MB21D2: variants seen among roughly 807,000 people sequenced by gnomAD.
MB21D2 encodes the protein nucleotidyltransferase MB21D2.
A neutral mutation model predicts 33.3 loss-of-function variants in MB21D2; 9 were observed. The observed-to-expected ratio is 0.27, with a 90% CI of 0.16 to 0.47. The LOEUF (loss-of-function observed/expected upper bound fraction) is 0.47. MB21D2 is among the 20% of genes least tolerant of loss of function. MB21D2 has a pLI of 0.99. For synonymous variants in MB21D2, 241 were observed against 236.3 expected, an observed-to-expected ratio of 1.02 and a Z score of -0.18; for missense variants, 540 against 624.6, an observed-to-expected ratio of 0.86 and a Z score of 1.44.
rs76319849 is a variant in MB21D2 at position 192,811,110 on chromosome 3, T to C, written c.212-11460A>G. On this transcript the variant is annotated intron_variant, in intron 1 of 1. Transcript: ENST00000392452. ...AGTTAATGCAAGAGAACTGACACCATTGGGGCGACTGTCAACCACTGGGGC... is the reference window on the plus strand; with the variant it reads ...AGTTAATGCAAGAGAACTGACACCACTGGGGCGACTGTCAACCACTGGGGC... Among the ~76,000 whole-genome samples, 31 of 152,320 alleles carry C rather than the reference T, an allele frequency of 2.0e-4. No individual in the cohort carries two copies. In the East Asian group the frequency reaches 5.0e-3, roughly 25 times the overall value.
At chr3:192,805,743 T>C (rs550447274) in intron 1 of MB21D2, among the ~76,000 whole-genome samples, 161 of 152,222 alleles carry the variant, frequency 1.1e-3, no homozygotes, top group Admixed American at 2.3e-3. Flanking sequence ...AACAAACAAA[T>C]TGATGAAAAG....
intron 1 of MB21D2, among the ~76,000 whole-genome samples, chr3:192,831,904 T>C (rs952754191): frequency 1.3e-5 from 2 of 152,206 alleles, no homozygotes; most frequent in Non-Finnish European, 2.9e-5. Context: ...ACATTACAGT[T>C]ATCCAAACTA....
At chr3:192,872,421 A>G (rs1713325909) in intron 1 of MB21D2, among the ~76,000 whole-genome samples, 1 of 151,932 alleles carries the variant, frequency 6.6e-6, no homozygotes, top group Non-Finnish European at 1.5e-5. Flanking sequence ...CTAAAAATAC[A>G]AAAAATTAGC....
chr3:192,824,878 C>T (rs1022749833), intron 1 of MB21D2, among the ~76,000 whole-genome samples: 6 of 152,090 alleles, frequency 3.9e-5, no homozygotes, highest in Non-Finnish European at 7.4e-5. Context: ...AGAAAAGGTG[C>T]GCAGAAAGTC....
intron 1 of MB21D2, among the ~76,000 whole-genome samples, chr3:192,817,486 A>G (rs1464505914): frequency 6.6e-6 from 1 of 152,216 alleles, no homozygotes; most frequent in Non-Finnish European, 1.5e-5. Context: ...TGATTTTTAC[A>G]GTTAGTTTTA....
Position 192,816,609 on chromosome 3 carries a change from G to A in MB21D2, c.212-16959C>T, listed in dbSNP as rs200941422. Among the ~76,000 whole-genome samples the A allele has an allele frequency of 3.3e-5, 5 of 152,240 alleles. No individual in the cohort carries two copies. The East Asian group carries it at 7.7e-4, about 24-fold the overall frequency. On this transcript the variant is annotated intron_variant, in intron 1 of 1. Coordinates refer to ENST00000392452, the MANE Select transcript of MB21D2 (RefSeq NM_178496.4). The stretch of plus-strand genomic sequence containing the variant: ...GAGTGAGAACACAGTGCTTCTTGCC[G>A]GTGAATTTCAAATGCCCACATGCTG...
In MB21D2 at chr3:192,866,115, G is replaced by T. The variant is rs1713162599; in HGVS notation, c.211+51515C>A. Among the ~76,000 whole-genome samples, 3 of 152,024 alleles carry T rather than the reference G, an allele frequency of 2.0e-5. No individual in the cohort carries two copies. In the South Asian group the frequency reaches 6.2e-4, roughly 31 times the overall value. On this transcript the variant is annotated intron_variant, in intron 1 of 1. Coordinates refer to ENST00000392452, the MANE Select transcript of MB21D2 (RefSeq NM_178496.4). ...GGGTAATGATGAAATGAACTCATCAGAAACTGAGACTAGAGCCACTGACCC... is the reference window on the plus strand; with the variant it reads ...GGGTAATGATGAAATGAACTCATCATAAACTGAGACTAGAGCCACTGACCC...
intron 1 of MB21D2, among the ~76,000 whole-genome samples, chr3:192,850,209 C>T (rs1712769145): frequency 1.3e-5 from 2 of 152,152 alleles, no homozygotes; most frequent in South Asian, 4.1e-4. Flanking sequence ...TGAGCCACCG[C>T]GCCCGGCCCA....
At chr3:192,818,802 G>T (rs1711981723) in intron 1 of MB21D2, among the ~76,000 whole-genome samples, 1 of 151,980 alleles carries the variant, frequency 6.6e-6, no homozygotes, top group Non-Finnish European at 1.5e-5. Context: ...AGAATATGAG[G>T]ATTTTAAGGA....
intron 1 of MB21D2, among the ~76,000 whole-genome samples, chr3:192,861,797 C>T (rs572626555): frequency 1.2e-4 from 18 of 152,232 alleles, no homozygotes; most frequent in African/African-American, 3.6e-4. Flanking sequence ...AAGAGCAAAA[C>T]TCCATCCCAA....
intron 1 of MB21D2, among the ~76,000 whole-genome samples, 187 bp downstream of exon 1, chr3:192,917,443 G>A (rs1016237440): frequency 6.6e-6 from 1 of 152,320 alleles, no homozygotes; most frequent in Admixed American, 6.5e-5. Flanking sequence ...GTAAGGAGGG[G>A]AGGGCAGGCA....
chr3:192,910,175 T>C (rs1714316659), intron 1 of MB21D2, among the ~76,000 whole-genome samples: 1 of 150,170 alleles, frequency 6.7e-6, no homozygotes, highest in East Asian at 2.0e-4. Context: ...TATTAAATAA[T>C]AGAATAGAGG....
rs1170475776 is a variant in MB21D2, at chr3:192,797,849, G to C, written c.*537C>G. On this transcript the variant is annotated 3_prime_UTR_variant, in exon 2 of 2. Coordinates refer to ENST00000392452, the MANE Select transcript of MB21D2 (RefSeq NM_178496.4). ...TCACTTTCAAAGTTTACATTGTTTG[G>C]TGGAAAAGGGGGGAAACTACTCTGG... 6.5e-6 allele frequency: 1 copy of C among 152,808 alleles called. No homozygotes were observed. The highest frequency in any genetic ancestry group is 1.9e-4 in the East Asian group (1 of 5,192). 9.5% of individuals were successfully genotyped at this position (152,808 alleles called of 1,614,324 possible). A position where few individuals can be genotyped will look rare whatever the true frequency, so the allele number is the denominator to read the frequency against.
intron 1 of MB21D2, among the ~76,000 whole-genome samples, chr3:192,831,403 G>T (rs939511210): frequency 6.6e-6 from 1 of 152,210 alleles, no homozygotes; most frequent in South Asian, 2.1e-4. Context: ...AAGAAACTGT[G>T]AGATCATAAA....
intron 1 of MB21D2, among the ~76,000 whole-genome samples, chr3:192,908,947 G>T (rs943566886): frequency 2.2e-4 from 34 of 151,896 alleles, no homozygotes; most frequent in African/African-American, 2.9e-4. Flanking sequence ...GGATTTCCAA[G>T]AAAATCAGTA....
At chr3:192,840,153 C>T (rs930226462) in intron 1 of MB21D2, among the ~76,000 whole-genome samples, 7 of 152,046 alleles carry the variant, frequency 4.6e-5, no homozygotes, top group African/African-American at 1.7e-4. Flanking sequence ...TCTAATGTCC[C>T]CTGCAGATAT....
chr3:192,909,429 C>G (rs1345438038), intron 1 of MB21D2, among the ~76,000 whole-genome samples: 2 of 152,072 alleles, frequency 1.3e-5, no homozygotes, highest in African/African-American at 2.4e-5. Flanking sequence ...TCTGCAACAA[C>G]TGTAATGTGA....
chr3:192,829,453 T>G (rs1323500566), intron 1 of MB21D2, among the ~76,000 whole-genome samples: 1 of 152,234 alleles, frequency 6.6e-6, no homozygotes, highest in Admixed American at 6.5e-5. Flanking sequence ...AAGTGTCACA[T>G]TATTTTAAAA....
At chr3:192,849,571 C>T (rs1363359827) in intron 1 of MB21D2, among the ~76,000 whole-genome samples, 1 of 152,204 alleles carries the variant, frequency 6.6e-6, no homozygotes, top group Non-Finnish European at 1.5e-5. Flanking sequence ...CTGCCTCGGC[C>T]TCCCAGAGTG....
Sources: allele counts gnomAD v4.1 joint callset (sites outside exome capture counted in the v4.1 genomes callset), GRCh38; gene constraint gnomAD v4.1.1; transcripts MANE v1.5; gene names NCBI Gene and HGNC (gene_info 2026-07-23, HGNC 2026-07-21).